RGL1: variants seen among roughly 807,000 people sequenced by gnomAD.
The protein encoded by RGL1 is ral guanine nucleotide dissociation stimulator-like 1.
Under a neutral mutation model 95.2 loss-of-function variants are expected in RGL1, and 24 were observed. The ratio of observed to expected loss-of-function variants is 0.25; its 90% confidence interval spans 0.18 to 0.35. RGL1 has a LOEUF of 0.35. Ranked by LOEUF, RGL1 falls within the 10% of genes least tolerant of loss-of-function variation. The pLI, the probability that RGL1 is intolerant of heterozygous loss-of-function variation, is 1.00. For synonymous variants in RGL1, 329 were observed against 344.9 expected (o/e 0.95, Z 0.51); for missense variants, 715 against 936.3 (o/e 0.76, Z 3.08).
rs903412502 is a variant in RGL1, at chr1:183,926,046, T to C, written c.2120-59T>C. On this transcript the variant is annotated intron_variant, in intron 17 of 17. Coordinates refer to ENST00000360851, the MANE Select transcript of RGL1 (RefSeq NM_001297671.3). ...TCTGGGCAAGGTTTACAGCTGCCGT[T>C]GTCAGTACTGAGCTGACCTCCACAA... 10 of 1,471,134 alleles carry C rather than the reference T, an allele frequency of 6.8e-6. No homozygotes were observed. In the African/African-American group the frequency reaches 8.3e-5, roughly 12 times the overall value. 91.1% of individuals were successfully genotyped at this position (1,471,134 alleles called of 1,614,324 possible).
chr1:183,871,941 C>G (rs1666206028), intron 4 of RGL1, among the ~76,000 whole-genome samples: 1 of 152,098 alleles, frequency 6.6e-6, no homozygotes, highest in African/African-American at 2.4e-5. Flanking sequence ...ATGTTGGAAT[C>G]TTTGCCTCAC....
chr1:183,753,491 A>G (rs2102288717), intron 2 of RGL1, among the ~76,000 whole-genome samples: 1 of 152,326 alleles, frequency 6.6e-6, no homozygotes, highest in East Asian at 1.9e-4. Context: ...AAAAGACTTT[A>G]TTACTCACAG....
chr1:183,837,502 G>GCA (rs1663747711), intron 2 of RGL1, among the ~76,000 whole-genome samples: 2 of 152,176 alleles, frequency 1.3e-5, no homozygotes, highest in Admixed American at 1.3e-4. Flanking sequence ...GACAATTTGT[G>GCA]ATCTTATTTG....
At chr1:183,825,279 C>T (rs553544762) in intron 2 of RGL1, among the ~76,000 whole-genome samples, 11 of 152,252 alleles carry the variant, frequency 7.2e-5, no homozygotes, top group African/African-American at 2.6e-4. Flanking sequence ...ATCATTTACA[C>T]ATCAGTGATA....
At chr1:183,925,641 T>G (rs10797922) in intron 17 of RGL1, among the ~76,000 whole-genome samples, 43,027 of 152,084 alleles carry the variant, frequency 0.28, 6,286 homozygotes, top group Non-Finnish European at 0.3. Flanking sequence ...CAAGTAGAAT[T>G]CTGGAGTGCT....
At chr1:183,902,474 C>G (rs1668084809) in intron 11 of RGL1, 94 bp from the exon 12 acceptor site, 1 of 917,298 alleles carries the variant, frequency 1.1e-6, no homozygotes. Context: ...GACTTTATCA[C>G]CCCTTTGATC....
chr1:183,745,612 A>G (rs1267957630), intron 2 of RGL1, among the ~76,000 whole-genome samples: 1 of 152,040 alleles, frequency 6.6e-6, no homozygotes, highest in Non-Finnish European at 1.5e-5. Flanking sequence ...TCATGTTTCT[A>G]TAGATATCCT....
At chr1:183,833,964 G>GGT (rs533010167) in intron 2 of RGL1, among the ~76,000 whole-genome samples, 1 of 140,588 alleles carries the variant, frequency 7.1e-6, no homozygotes, top group East Asian at 2.1e-4. Context: ...ATCTCTCTCT[G>GGT]TTTTTTTTTT....
intron 2 of RGL1, 126 bp downstream of exon 2, chr1:183,806,611 T>C (rs1572436192): frequency 1.5e-6 from 1 of 651,920 alleles, no homozygotes; most frequent in East Asian, 2.7e-5. Flanking sequence ...AGGAAAATGC[T>C]AATGACCAAG....
At chr1:183,856,415 T>C (rs1312270775) in intron 3 of RGL1, among the ~76,000 whole-genome samples, 5 of 152,028 alleles carry the variant, frequency 3.3e-5, no homozygotes, top group Middle Eastern at 3.4e-3. Flanking sequence ...TATGGAATTA[T>C]TTTGAAAAAT....
intron 1 of RGL1, among the ~76,000 whole-genome samples, chr1:183,707,888 A>T (rs1655017214): frequency 6.6e-6 from 1 of 151,864 alleles, no homozygotes; most frequent in South Asian, 2.1e-4. Flanking sequence ...TGGGGTGGGG[A>T]GGAGGAAGGC....
chr1:183,639,236 G>C (rs896942244), intron 1 of RGL1, among the ~76,000 whole-genome samples: 2 of 149,486 alleles, frequency 1.3e-5, no homozygotes, highest in African/African-American at 2.5e-5. Flanking sequence ...AGCTGAGATC[G>C]TGCCATTGCA....
rs565276845 is a variant in RGL1 at position 183,900,429 on chromosome 1, T to C, written c.1317+193T>C. 1.6e-4 allele frequency among the ~76,000 whole-genome samples: 24 copies of C among 152,318 alleles called. No homozygotes were observed. In the South Asian group the frequency reaches 5.0e-3, roughly 32 times the overall value. ...CTCAAAATCCAGTGGAAGTAATTAA[T>C]ATATCAAAATAAGCAGTGAACGATA... On this transcript the variant is annotated intron_variant, in intron 11 of 17. Coordinates refer to ENST00000360851, the MANE Select transcript of RGL1 (RefSeq NM_001297671.3).
intron 1 of RGL1, among the ~76,000 whole-genome samples, chr1:183,637,019 G>T (rs1174515299): frequency 6.6e-6 from 1 of 152,180 alleles, no homozygotes; most frequent in African/African-American, 2.4e-5. Context: ...AGAGCACTAG[G>T]CTTAGAATCA....
At chr1:183,665,994 C>G (rs1009447883) in intron 1 of RGL1, among the ~76,000 whole-genome samples, 53 of 145,730 alleles carry the variant, frequency 3.6e-4, no homozygotes, top group African/African-American at 1.2e-3. Context: ...GACTGAAGGT[C>G]TTCTTTTTTT....
At chr1:183,898,011 A>G (rs1361423327) in intron 10 of RGL1, 114 bp downstream of exon 10, 3 of 786,024 alleles carry the variant, frequency 3.8e-6, no homozygotes, top group African/African-American at 1.7e-5. Context: ...GCTTTCAGAA[A>G]GGGTCTCCCA....
intron 2 of RGL1, among the ~76,000 whole-genome samples, chr1:183,841,787 G>A (rs1572488149): frequency 6.6e-6 from 1 of 152,254 alleles, no homozygotes; most frequent in East Asian, 1.9e-4. Context: ...GATGAGCAGA[G>A]CTTATTTGTG....
chr1:183,883,221 T>A (rs1471924836), intron 5 of RGL1, among the ~76,000 whole-genome samples: 1 of 152,206 alleles, frequency 6.6e-6, no homozygotes, highest in East Asian at 1.9e-4. Flanking sequence ...TTCAGGTGAA[T>A]TTAGTTGAAG....
intron 3 of RGL1, among the ~76,000 whole-genome samples, chr1:183,850,417 G>C (rs1173805172): frequency 1.3e-5 from 2 of 152,114 alleles, no homozygotes; most frequent in Non-Finnish European, 2.9e-5. Context: ...TAATAATCAA[G>C]TTATATTCCA....
Sources: gnomAD v4.1 joint callset for allele counts (sites outside exome capture counted in the v4.1 genomes callset) on GRCh38, gnomAD v4.1.1 for gene constraint, MANE v1.5 for transcripts, NCBI Gene and HGNC (gene_info 2026-07-23, HGNC 2026-07-21) for gene names.